CAMKK1: variants seen among roughly 807,000 people sequenced by gnomAD.
CAMKK1 encodes calcium/calmodulin dependent protein kinase kinase 1.
In CAMKK1, 20 loss-of-function variants were observed where a neutral mutation model predicts 63.5. That is an observed-to-expected ratio of 0.32 (90% CI 0.22 to 0.46). CAMKK1 has a LOEUF of 0.46. Ranked by LOEUF, CAMKK1 falls within the 20% of genes least tolerant of loss-of-function variation. The pLI, the probability that CAMKK1 is intolerant of heterozygous loss-of-function variation, is 1.00. For synonymous variants in CAMKK1, 253 were observed against 269.0 expected (o/e 0.94, Z 0.58); for missense variants, 588 against 658.1 (o/e 0.89, Z 1.17).
intron 12 of CAMKK1, 25 bp downstream of exon 12, chr17:3,872,529 T>A (rs2051691305): frequency 6.2e-7 from 1 of 1,602,026 alleles, no homozygotes; most frequent in African/African-American, 1.3e-5. Context: ...GGTAGCCCCC[T>A]TGTTCCCCTG....
rs2143857255 is a variant in CAMKK1, at chr17:3,879,458, G to A, written c.796+888C>T. 6.6e-6 allele frequency: 1 copy of A among 152,518 alleles called. No homozygotes were observed. The highest frequency in any genetic ancestry group is 2.1e-4 in the South Asian group (1 of 4,824). 9.4% of individuals were successfully genotyped at this position (152,518 alleles called of 1,614,324 possible). On this transcript the variant is annotated intron_variant, in intron 9 of 15. Coordinates refer to ENST00000348335, the MANE Select transcript of CAMKK1 (RefSeq NM_032294.3). This position sits in a 1 kb window ranked among gnomAD's most constrained non-coding sequence, Gnocchi z 4.5. The stretch of plus-strand genomic sequence containing the variant: ...TCTCAGGGCCTCACAGAGCTGGCAG[G>A]ATGCAGTCAGCAAAGACCTCAGGGG...
intron 13 of CAMKK1, 32 bp downstream of exon 13, chr17:3,869,769 C>T (rs1333730724): frequency 1.2e-6 from 2 of 1,608,538 alleles, no homozygotes; most frequent in Non-Finnish European, 1.7e-6. Flanking sequence ...TTTCTGTGTC[C>T]CAGCCCAGCC....
intron 12 of CAMKK1, among the ~76,000 whole-genome samples, chr17:3,871,562 T>C (rs148569560): frequency 0.022 from 3,227 of 150,076 alleles, 61 homozygotes; most frequent in Non-Finnish European, 0.033. Context: ...TTCACCGTGT[T>C]AGCCAGGATG....
intron 1 of CAMKK1, among the ~76,000 whole-genome samples, chr17:3,886,259 C>T (rs1453959069): frequency 6.6e-6 from 1 of 152,332 alleles, no homozygotes; most frequent in Non-Finnish European, 1.5e-5. Context: ...CCTCCTACCC[C>T]CATCCCTCTC....
intron 14 of CAMKK1, among the ~76,000 whole-genome samples, chr17:3,868,883 G>A (rs2054698989): frequency 6.6e-6 from 1 of 151,920 alleles, no homozygotes. Context: ...TCGATCTCCT[G>A]ACCTCGTGAT....
intron 15 of CAMKK1, chr17:3,865,008 G>T: frequency 1.9e-6 from 1 of 533,620 alleles, no homozygotes; most frequent in Non-Finnish European, 2.4e-6. Flanking sequence ...GCAGGCCAGG[G>T]TGGGGCAAAC....
At chr17:3,876,512 C>T in intron 9 of CAMKK1, 90 bp from the exon 10 acceptor site, 2 of 1,121,654 alleles carry the variant, frequency 1.8e-6, no homozygotes, top group Non-Finnish European at 2.6e-6. Context: ...GGGACGCCGG[C>T]CGGGACATCC....
Position 3,884,829 on chromosome 17 carries a change from A to C in CAMKK1, c.361-402T>G, listed in dbSNP as rs2055573845. Reference sequence around the variant, plus strand: ...AGGAGCCCTGGGCACAGAGGCTGAGAGCCTGGGTTCAGGCACAGAAAGCTC... The same window carrying C: ...AGGAGCCCTGGGCACAGAGGCTGAGCGCCTGGGTTCAGGCACAGAAAGCTC... On this transcript the variant is annotated intron_variant, in intron 2 of 15. Coordinates refer to ENST00000348335, the MANE Select transcript of CAMKK1 (RefSeq NM_032294.3). This position sits in a 1 kb window ranked among gnomAD's most constrained non-coding sequence, Gnocchi z 4.5. 6.6e-6 allele frequency among the ~76,000 whole-genome samples: 1 copy of C among 152,338 alleles called. No homozygotes were observed. The highest frequency in any genetic ancestry group is 2.1e-4 in the South Asian group (1 of 4,832).
rs1218200234 is a variant in CAMKK1 at position 3,887,109 on chromosome 17, G to A, written c.-43-1379C>T. On this transcript the variant is annotated intron_variant, in intron 1 of 15. Transcript: ENST00000348335. The surrounding 1 kb of genome is among the most constrained non-coding windows in gnomAD (Gnocchi z 6.1). ...GAGGCAGGGCTGGCTGGAGTCCACC[G>A]GCCACTGAGGAGCCAGGACTGGGTT... Among the ~76,000 whole-genome samples the A allele has an allele frequency of 5.3e-5, 8 of 152,040 alleles. No individual in the cohort carries two copies. Among genetic ancestry groups the A allele is most frequent in the Non-Finnish European group, 8.8e-5 (6 of 67,988 alleles).
In CAMKK1 at chr17:3,884,477, T is replaced by A; in HGVS notation, c.361-50A>T. 6.4e-7 allele frequency: 1 copy of A among 1,566,184 alleles called. No individual in the cohort carries two copies. Among genetic ancestry groups the A allele is most frequent in the Non-Finnish European group, 8.8e-7 (1 of 1,140,592 alleles). ...GTGGAGCTGGGTCCGGAGGCAGCACTGCTCCTACCTCAGAGCCCGTTCAGG... is the reference window on the plus strand; with the variant it reads ...GTGGAGCTGGGTCCGGAGGCAGCACAGCTCCTACCTCAGAGCCCGTTCAGG... On this transcript the variant is annotated intron_variant, in intron 2 of 15. Transcript: ENST00000348335. This position sits in a 1 kb window ranked among gnomAD's most constrained non-coding sequence, Gnocchi z 4.5.
intron 15 of CAMKK1, among the ~76,000 whole-genome samples, chr17:3,863,910 G>A (rs1178802474): frequency 6.6e-6 from 1 of 152,060 alleles, no homozygotes; most frequent in Non-Finnish European, 1.5e-5. Context: ...AGAAGGACCA[G>A]GTGTCCGTCC....
chr17:3,888,161 C>A (rs2055737292), intron 1 of CAMKK1, among the ~76,000 whole-genome samples: 1 of 152,178 alleles, frequency 6.6e-6, no homozygotes, highest in Non-Finnish European at 1.5e-5. Flanking sequence ...TGGCCCTAGG[C>A]AGGGACTACG....
intron 1 of CAMKK1, among the ~76,000 whole-genome samples, chr17:3,891,512 T>C (rs1251772858): frequency 2.0e-5 from 3 of 152,172 alleles, no homozygotes; most frequent in Non-Finnish European, 4.4e-5. Context: ...GCATTTCAGG[T>C]GCAGGGACCA....
chr17:3,871,502 C>A (rs1372871680), intron 12 of CAMKK1, among the ~76,000 whole-genome samples: 6 of 143,890 alleles, frequency 4.2e-5, no homozygotes, highest in African/African-American at 1.1e-4. Context: ...CTACAGGCAC[C>A]CGCCACCACG....
In CAMKK1 at chr17:3,883,525, G is replaced by C. The variant is rs764247725; in HGVS notation, c.463-45C>G. ...AATGTCACTACTGTGCAGCCACCAG[G>C]GGCTAGAACAGGCTGGTACATGTGG... On this transcript the variant is annotated intron_variant, in intron 4 of 15. Transcript: ENST00000348335. The surrounding 1 kb of genome is among the most constrained non-coding windows in gnomAD (Gnocchi z 4.7). The C allele has an allele frequency of 8.7e-6, 13 of 1,489,844 alleles. No individual in the cohort carries two copies. The East Asian group carries it at 2.5e-4, about 28-fold the overall frequency. 92.3% of individuals were successfully genotyped at this position (1,489,844 alleles called of 1,614,324 possible).
intron 15 of CAMKK1, 176 bp downstream of exon 15, chr17:3,865,732 C>T (rs968760730): frequency 1.4e-6 from 2 of 1,439,016 alleles, no homozygotes; most frequent in African/African-American, 1.4e-5. Flanking sequence ...CAAAAGGTCC[C>T]TTCTAGCCCC....
rs1167726499 is a variant in CAMKK1, at chr17:3,884,633, A to G, written c.361-206T>C. 6.6e-6 allele frequency among the ~76,000 whole-genome samples: 1 copy of G among 152,252 alleles called. No individual in the cohort carries two copies. The highest frequency in any genetic ancestry group is 1.5e-5 in the Non-Finnish European group (1 of 68,048). On this transcript the variant is annotated intron_variant, in intron 2 of 15. Transcript: ENST00000348335. This position sits in a 1 kb window ranked among gnomAD's most constrained non-coding sequence, Gnocchi z 4.5. ...GAAGACGTGGCTCATGTTTGAAAACATGGATGGTGACGCCATGGCTGTGCC... is the reference window on the plus strand; with the variant it reads ...GAAGACGTGGCTCATGTTTGAAAACGTGGATGGTGACGCCATGGCTGTGCC...
chr17:3,881,690 A>G, intron 7 of CAMKK1, 42 bp from the exon 8 acceptor site: 1 of 1,550,466 alleles, frequency 6.4e-7, no homozygotes, highest in Non-Finnish European at 8.7e-7. Context: ...CTGGCTGGCA[A>G]AGCAGCCGAT....
Position 3,868,885 on chromosome 17 carries a change from C to T in CAMKK1, c.1341+602G>A, listed in dbSNP as rs1021800922. 6.6e-5 allele frequency among the ~76,000 whole-genome samples: 10 copies of T among 151,962 alleles called. No homozygotes were observed. The East Asian group carries it at 1.9e-3, about 29-fold the overall frequency. On this transcript the variant is annotated intron_variant, in intron 14 of 15. Coordinates refer to ENST00000348335, the MANE Select transcript of CAMKK1 (RefSeq NM_032294.3). The stretch of plus-strand genomic sequence containing the variant: ...AGCCAGGATGGTCTCGATCTCCTGA[C>T]CTCGTGATCCACCCGCCTCGGCCTC...
Sources: gnomAD v4.1 joint callset for allele counts (sites outside exome capture counted in the v4.1 genomes callset) on GRCh38, gnomAD v4.1.1 for gene constraint, Gnocchi (gnomAD v3.1) non-coding constraint, MANE v1.5 for transcripts, NCBI Gene and HGNC (gene_info 2026-07-23, HGNC 2026-07-21) for gene names.